Variants in GPR158 observed in about 807,000 individuals in gnomAD.
The protein encoded by GPR158 is G protein-coupled receptor 158.
A neutral mutation model predicts 78.2 loss-of-function variants in GPR158; 30 were observed. The ratio of observed to expected loss-of-function variants is 0.38; its 90% CI spans 0.29 to 0.52. GPR158 has a LOEUF of 0.52. Among genes scored for constraint, GPR158 ranks in the 20% least tolerant of loss-of-function variants. The probability of loss-of-function intolerance (pLI) is 0.83; values close to 1 mark genes in which losing one functional copy is unlikely to be tolerated. For missense variants in GPR158, 1,463 were observed against 1,523.5 expected (o/e 0.96, Z 0.66); for synonymous variants, 581 against 591.1 (o/e 0.98, Z 0.25).
At chr10:25,413,649 TA>T (rs971605188) in intron 4 of GPR158, among the ~76,000 whole-genome samples, 2 of 151,962 alleles carry the variant, frequency 1.3e-5, no homozygotes, top group African/African-American at 4.8e-5. Context: ...CATTAGAAAT[TA>T]AAAAAAATAC....
intron 2 of GPR158, among the ~76,000 whole-genome samples, chr10:25,349,354 T>A (rs970538574): frequency 6.6e-6 from 1 of 150,490 alleles, no homozygotes; most frequent in Non-Finnish European, 1.5e-5. Context: ...CATCTCAAGA[T>A]CCTTAACTTA....
At chr10:25,204,572 T>C (rs1455145587) in intron 1 of GPR158, among the ~76,000 whole-genome samples, 1 of 152,206 alleles carries the variant, frequency 6.6e-6, no homozygotes, top group Non-Finnish European at 1.5e-5. Context: ...TTTGTGTATG[T>C]TGAGCCAGGC....
intron 6 of GPR158, among the ~76,000 whole-genome samples, chr10:25,567,025 A>G (rs1386238504): frequency 2.0e-5 from 3 of 152,226 alleles, no homozygotes; most frequent in Non-Finnish European, 2.9e-5. Context: ...TTCTACGAAC[A>G]TGGTAAGATT....
intron 4 of GPR158, among the ~76,000 whole-genome samples, chr10:25,456,305 G>T (rs947761439): frequency 1.3e-5 from 2 of 152,108 alleles, no homozygotes; most frequent in African/African-American, 2.4e-5. Context: ...GTAGCATAAG[G>T]AACATAACAA....
At chr10:25,318,785 C>T (rs976447396) in intron 2 of GPR158, among the ~76,000 whole-genome samples, 24 of 152,174 alleles carry the variant, frequency 1.6e-4, no homozygotes, top group African/African-American at 5.5e-4. Flanking sequence ...GTTATGTCTC[C>T]GCTTTAAATC....
chr10:25,594,620 C>A (rs1388638085), intron 9 of GPR158, among the ~76,000 whole-genome samples: 4 of 152,004 alleles, frequency 2.6e-5, no homozygotes, highest in Admixed American at 6.6e-5. Flanking sequence ...CTGTTTCAGT[C>A]TTTTTCCAAA....
chr10:25,572,312 GT>G (rs1486235108), intron 6 of GPR158, among the ~76,000 whole-genome samples: 1 of 152,158 alleles, frequency 6.6e-6, no homozygotes, highest in Non-Finnish European at 1.5e-5. Context: ...GAGCAATACT[GT>G]TTCTGAATTT....
At position 25,438,990 on chromosome 10, in the gene GPR158, A is replaced by G. The variant is rs56225295; in HGVS notation, c.1335+26517A>G. On this transcript the variant is annotated intron_variant, in intron 4 of 10. Transcript: ENST00000376351. ...GATACAGCCACATTTGTTTGTCTAC[A>G]TGTTGCCTCTGGCTGATTTCATGCT... is the stretch of plus-strand genomic sequence containing the variant. 6.4e-3 allele frequency among the ~76,000 whole-genome samples: 974 copies of G among 152,302 alleles called. 10 individuals carry two copies. The highest frequency in any genetic ancestry group is 0.022 in the African/African-American group (928 of 41,576).
At chr10:25,241,056 C>G (rs949333503) in intron 2 of GPR158, among the ~76,000 whole-genome samples, 1 of 152,020 alleles carries the variant, frequency 6.6e-6, no homozygotes, top group Admixed American at 6.6e-5. Flanking sequence ...AGGAAATTTC[C>G]TAAAGAGGTT....
intron 5 of GPR158, among the ~76,000 whole-genome samples, chr10:25,499,875 G>A (rs972179019): frequency 6.6e-6 from 1 of 152,154 alleles, no homozygotes; most frequent in Non-Finnish European, 1.5e-5. Context: ...GAAGGGAGAA[G>A]AACAGTAGGA....
chr10:25,449,368 T>C (rs1012639507), intron 4 of GPR158, among the ~76,000 whole-genome samples: 1 of 152,240 alleles, frequency 6.6e-6, no homozygotes, highest in African/African-American at 2.4e-5. Flanking sequence ...GTCTTATGCC[T>C]GCCTCACTAC....
At chr10:25,400,621 C>T (rs1008554414) in intron 3 of GPR158, among the ~76,000 whole-genome samples, 29 of 152,160 alleles carry the variant, frequency 1.9e-4, no homozygotes, top group Non-Finnish European at 1.9e-4. Context: ...ACTGATGTTT[C>T]ACTGTCTCTT....
Position 25,186,960 on chromosome 10 carries a change from A to ATT in GPR158, c.902+10659_902+10660dup, listed in dbSNP as rs1172184108. 5.2e-4 allele frequency among the ~76,000 whole-genome samples: 62 copies of ATT among 119,232 alleles called. 2 individuals carry two copies. The highest frequency in any genetic ancestry group is 4.6e-3 in the Middle Eastern group (1 of 218). 78.2% of individuals were successfully genotyped at this position (119,232 alleles called of 152,430 possible). ...AGAAAGAGGGAATCCTCCCTAACTC[A>ATT]TTTTTTTTTTTTTTTTTTTTTTGAG... On this transcript the variant is annotated intron_variant, in intron 1 of 10. Coordinates refer to ENST00000376351, the MANE Select transcript of GPR158 (RefSeq NM_020752.3).
At chr10:25,464,578 C>T (rs1835397615) in intron 4 of GPR158, among the ~76,000 whole-genome samples, 1 of 152,060 alleles carries the variant, frequency 6.6e-6, no homozygotes, top group African/African-American at 2.4e-5. Context: ...GATTAAAATA[C>T]CCGTTTTATG....
rs1564383345 is a variant in GPR158 at position 25,176,864 on chromosome 10, C to T, written c.902+542C>T. 6.6e-6 allele frequency among the ~76,000 whole-genome samples: 1 copy of T among 152,172 alleles called. No individual in the cohort carries two copies. The highest frequency in any genetic ancestry group is 1.5e-5 in the Non-Finnish European group (1 of 68,028). ...TCAGAGCTTATAATTAAAACTGTGCCATCTCCTCGCAGTTCCGGCCCCTCA... is the reference window on the plus strand; with the variant it reads ...TCAGAGCTTATAATTAAAACTGTGCTATCTCCTCGCAGTTCCGGCCCCTCA... On this transcript the variant is annotated intron_variant, in intron 1 of 10. Coordinates refer to ENST00000376351, the MANE Select transcript of GPR158 (RefSeq NM_020752.3). This position sits in a 1 kb window ranked among gnomAD's most constrained non-coding sequence, Gnocchi z 6.3.
intron 5 of GPR158, among the ~76,000 whole-genome samples, chr10:25,468,860 G>GAGAT (rs1280492079): frequency 1.3e-5 from 2 of 152,202 alleles, no homozygotes; most frequent in Non-Finnish European, 2.9e-5. Context: ...TGTAGAGGAA[G>GAGAT]AGATGAGTTA....
In GPR158 at chr10:25,586,427, A is replaced by G. The variant is rs1194901867; in HGVS notation, c.1754-2580A>G. 9.8e-5 allele frequency among the ~76,000 whole-genome samples: 12 copies of G among 122,718 alleles called. No individual in the cohort carries two copies. In the Admixed American group the frequency reaches 1.2e-3, roughly 12 times the overall value. 80.5% of individuals were successfully genotyped at this position (122,718 alleles called of 152,430 possible). On this transcript the variant is annotated intron_variant, in intron 7 of 10. Coordinates refer to ENST00000376351, the MANE Select transcript of GPR158 (RefSeq NM_020752.3). ...TTTTTTTTTTTTTTTTTTTTGAGGC[A>G]GAGTCTCACTCTGTCACCCAGGCTG...
chr10:25,460,095 G>A (rs1276621190), intron 4 of GPR158, among the ~76,000 whole-genome samples: 1 of 152,000 alleles, frequency 6.6e-6, no homozygotes, highest in African/African-American at 2.4e-5. Context: ...ATCAGCTGGT[G>A]CCAAATAAAA....
Position 25,598,565 on chromosome 10 carries a change from G to A in GPR158, c.2939G>A (p.Arg980Lys). ...PQKSGIMKQQRVNPTTANSDL... is the reference protein window; with the variant it reads ...PQKSGIMKQQKVNPTTANSDL... ...AAATCTGGGATTATGAAACAACAAA[G>A]GGTCAACCCCACCACTGCCAATTCT... The change falls in exon 11 of 11, where the codon AGG becomes AAG. Residue 980 changes from arginine (R) to lysine (K), a missense_variant. By Grantham distance (26) the Arg-to-Lys change is conservative. Transcript: ENST00000376351. 2 of 1,613,734 alleles carry A rather than the reference G, an allele frequency of 1.2e-6. No homozygotes were observed. The highest frequency in any genetic ancestry group is 2.2e-5 in the South Asian group (2 of 91,038).
Sources: gnomAD v4.1 joint callset for allele counts (sites outside exome capture counted in the v4.1 genomes callset) on GRCh38, gnomAD v4.1.1 for gene constraint, Gnocchi (gnomAD v3.1) non-coding constraint, MANE v1.5 for transcripts, NCBI Gene and HGNC (gene_info 2026-07-23, HGNC 2026-07-21) for gene names.